Variants in SLC6A6 observed in about 807,000 individuals in gnomAD.
SLC6A6 encodes the protein sodium- and chloride-dependent taurine transporter.
In SLC6A6, 16 loss-of-function variants were observed where a neutral mutation model predicts 68.8. The observed-to-expected ratio is 0.23, with a 90% confidence interval of 0.16 to 0.35. SLC6A6 has a LOEUF of 0.35. Ranked by LOEUF, SLC6A6 falls within the 10% of genes least tolerant of loss-of-function variation. The pLI, the probability that SLC6A6 is intolerant of heterozygous loss-of-function variation, is 1.00. For missense variants in SLC6A6, 474 were observed against 802.8 expected (o/e 0.59, Z 4.95); for synonymous variants, 312 against 315.4 (o/e 0.99, Z 0.12).
chr3:14,482,830 C>T (rs769538362), intron 14 of SLC6A6, among the ~76,000 whole-genome samples: 50 of 152,270 alleles, frequency 3.3e-4, no homozygotes, highest in African/African-American at 1.1e-3. Context: ...TTAGCCAGAA[C>T]GCTAAATGGC....
At chr3:14,478,139 C>G (rs1331047548) in intron 11 of SLC6A6, among the ~76,000 whole-genome samples, 1 of 152,150 alleles carries the variant, frequency 6.6e-6, no homozygotes, top group Non-Finnish European at 1.5e-5. Flanking sequence ...ACCCCCACCC[C>G]AGAAGTCAGA....
At chr3:14,445,569 C>A in intron 3 of SLC6A6, 148 bp from the exon 4 acceptor site, 2 of 860,232 alleles carry the variant, frequency 2.3e-6, no homozygotes, top group Non-Finnish European at 3.8e-6. Context: ...GGGCCTGGAG[C>A]ATTTCCCACC....
At position 14,481,933 on chromosome 3, in the gene SLC6A6, C is replaced by T. The variant is rs566084194; in HGVS notation, c.1722+92C>T. 2 of 1,042,200 alleles carry T rather than the reference C, an allele frequency of 1.9e-6. No homozygotes were observed. The highest frequency in any genetic ancestry group is 1.6e-5 in the African/African-American group (1 of 63,070). The allele number at this position is 1,042,200 out of a possible 1,614,324, so 64.6% of individuals were successfully genotyped here. On this transcript the variant is annotated intron_variant, in intron 14 of 14. Transcript: ENST00000622186. The surrounding 1 kb of genome is among the most constrained non-coding windows in gnomAD (Gnocchi z 4.7). ...TGCTGCGTGATCTCAGGCAAGTCAC[C>T]TGCCCTCTCTGAGCCATAGTTCCCT...
intron 1 of SLC6A6, among the ~76,000 whole-genome samples, chr3:14,409,283 C>T (rs1010949547): frequency 1.3e-5 from 2 of 152,228 alleles, no homozygotes; most frequent in African/African-American, 2.4e-5. Flanking sequence ...GTCTGATCAC[C>T]CCCAGTGCTG....
chr3:14,435,633 G>A (rs1028486131), intron 2 of SLC6A6, among the ~76,000 whole-genome samples: 5 of 152,286 alleles, frequency 3.3e-5, no homozygotes, highest in Admixed American at 6.5e-5. Flanking sequence ...CAGCATCTCC[G>A]CACGAGCCCA....
At chr3:14,414,891 T>A (rs1439520456) in intron 1 of SLC6A6, among the ~76,000 whole-genome samples, 1 of 152,234 alleles carries the variant, frequency 6.6e-6, no homozygotes. Context: ...GGTTTTGCCC[T>A]ATGCAGAATT....
chr3:14,476,946 T>G (rs1371921431), intron 10 of SLC6A6, among the ~76,000 whole-genome samples: 1 of 152,022 alleles, frequency 6.6e-6, no homozygotes, highest in Non-Finnish European at 1.5e-5. Context: ...GATGCAGAGG[T>G]GTGGAATATT....
chr3:14,479,773 G>A (rs530853403), intron 13 of SLC6A6, among the ~76,000 whole-genome samples: 2 of 152,338 alleles, frequency 1.3e-5, no homozygotes, highest in African/African-American at 4.8e-5. Context: ...CCATGTTGGA[G>A]TTGGCCTTGG....
chr3:14,419,355 C>T (rs1442785138), intron 2 of SLC6A6, among the ~76,000 whole-genome samples: 1 of 152,144 alleles, frequency 6.6e-6, no homozygotes, highest in Non-Finnish European at 1.5e-5. Flanking sequence ...TCACTGGGCA[C>T]GTCACTTGAG....
intron 3 of SLC6A6, among the ~76,000 whole-genome samples, chr3:14,445,145 G>A (rs1042586759): frequency 7.2e-5 from 11 of 152,082 alleles, no homozygotes; most frequent in African/African-American, 9.7e-5. Flanking sequence ...TGAGGCAGCC[G>A]GGCGCGGTGG....
At chr3:14,448,134 A>G in intron 5 of SLC6A6, 2 of 1,009,458 alleles carry the variant, frequency 2.0e-6, no homozygotes, top group Non-Finnish European at 2.5e-6. Flanking sequence ...AAAATGATAC[A>G]GTTTTCTTAA....
At chr3:14,405,964 G>A (rs1018289171) in intron 1 of SLC6A6, among the ~76,000 whole-genome samples, 5 of 152,080 alleles carry the variant, frequency 3.3e-5, no homozygotes, top group Non-Finnish European at 5.9e-5. Flanking sequence ...GGGGTAGTGG[G>A]CAGGAGGCAC....
intron 2 of SLC6A6, among the ~76,000 whole-genome samples, chr3:14,436,531 CTTTTTTTTTTTTTTT>C (rs58996264): frequency 1.5e-4 from 17 of 112,552 alleles, no homozygotes; most frequent in East Asian, 9.9e-4. Context: ...CAACAACTCC[CTTTTTTTTTTTTTTT>C]TTTTTTTTTT....
chr3:14,455,544 G>C (rs1700347678), intron 5 of SLC6A6, among the ~76,000 whole-genome samples: 1 of 152,246 alleles, frequency 6.6e-6, no homozygotes, highest in Non-Finnish European at 1.5e-5. Context: ...TCCCCAGCGT[G>C]GGACAGGACA....
intron 2 of SLC6A6, among the ~76,000 whole-genome samples, chr3:14,418,682 G>A (rs1472234225): frequency 2.6e-5 from 4 of 152,080 alleles, no homozygotes; most frequent in Non-Finnish European, 5.9e-5. Context: ...TACTCTTTTT[G>A]AAAAAATATG....
intron 1 of SLC6A6, among the ~76,000 whole-genome samples, chr3:14,407,734 A>T (rs1699142409): frequency 6.6e-6 from 1 of 152,072 alleles, no homozygotes; most frequent in Non-Finnish European, 1.5e-5. Flanking sequence ...TCAAACTACT[A>T]GGCTTAAACG....
At chr3:14,454,893 T>TG (rs1387781569) in intron 5 of SLC6A6, among the ~76,000 whole-genome samples, 1 of 152,194 alleles carries the variant, frequency 6.6e-6, no homozygotes, top group Non-Finnish European at 1.5e-5. Context: ...TCTCATGCAC[T>TG]GTTCTTCACC....
rs778420710 is a variant in SLC6A6, at chr3:14,466,656, G to A, written c.867+6G>A. 1 of 1,607,502 alleles carries A rather than the reference G, an allele frequency of 6.2e-7. No homozygotes were observed. The highest frequency in any genetic ancestry group is 8.5e-7 in the Non-Finnish European group (1 of 1,175,636). On this transcript the variant is annotated splice_donor_region_variant and intron_variant, in intron 7 of 14. Coordinates refer to ENST00000622186, the MANE Select transcript of SLC6A6 (RefSeq NM_003043.6). ...CCCGCCTTGAGGACCCACAGGTACT[G>A]TGGGGCTGGGACACACCATCCTCCC...
intron 2 of SLC6A6, 143 bp downstream of exon 2, chr3:14,416,596 A>C (rs1699368028): frequency 2.5e-6 from 1 of 395,390 alleles, no homozygotes; most frequent in Admixed American, 4.4e-5. Flanking sequence ...CCTTGTCCAC[A>C]CCTCACCTCC....
Sources: gnomAD v4.1 joint callset for allele counts (sites outside exome capture counted in the v4.1 genomes callset) on GRCh38, gnomAD v4.1.1 for gene constraint, Gnocchi (gnomAD v3.1) non-coding constraint, MANE v1.5 for transcripts, NCBI Gene and HGNC (gene_info 2026-07-23, HGNC 2026-07-21) for gene names.